NKAIN3: variants seen among roughly 807,000 people sequenced by gnomAD.
NKAIN3 encodes the protein sodium/potassium transporting ATPase interacting 3.
NKAIN3 carries 25 observed loss-of-function variants against 30.2 expected under a neutral mutation model. The ratio of observed to expected loss-of-function variants is 0.83; its 90% CI spans 0.60 to 1.16. NKAIN3 has a LOEUF of 1.16. NKAIN3 is among the 50% of genes most tolerant of loss of function. The pLI is 0.00. For missense variants in NKAIN3, 225 were observed against 254.1 expected (o/e 0.89, Z 0.78); for synonymous variants, 91 against 89.6 (o/e 1.02, Z -0.09).
intron 5 of NKAIN3, among the ~76,000 whole-genome samples, chr8:62,924,474 A>C (rs1822377931): frequency 6.6e-6 from 1 of 152,252 alleles, no homozygotes; most frequent in Admixed American, 6.5e-5. Context: ...TGAATGAGTC[A>C]ATGTATGAAC....
intron 2 of NKAIN3, among the ~76,000 whole-genome samples, chr8:62,584,836 G>A (rs374132325): frequency 8.5e-5 from 13 of 152,126 alleles, no homozygotes; most frequent in African/African-American, 1.2e-4. Context: ...CACCCTACCC[G>A]GCTGTCATCA....
In NKAIN3 at chr8:62,973,613, T is replaced by A. The variant is rs1233523118; in HGVS notation, c.*8206T>A. ...CAAAAATTTTCTCCCATTCTGTAGGTTGCCTGTTCACTCTGATAATAGTTT... is the reference window on the plus strand; with the variant it reads ...CAAAAATTTTCTCCCATTCTGTAGGATGCCTGTTCACTCTGATAATAGTTT... On this transcript the variant is annotated 3_prime_UTR_variant, in exon 7 of 7. Coordinates refer to ENST00000623646, the MANE Select transcript of NKAIN3 (RefSeq NM_001304533.3). Among the ~76,000 whole-genome samples, 1 of 152,180 alleles carries A rather than the reference T, an allele frequency of 6.6e-6. No homozygotes were observed. Among genetic ancestry groups the A allele is most frequent in the Non-Finnish European group, 1.5e-5 (1 of 68,020 alleles).
At chr8:62,544,201 C>T (rs532396123) in intron 1 of NKAIN3, among the ~76,000 whole-genome samples, 5 of 152,000 alleles carry the variant, frequency 3.3e-5, no homozygotes, top group Non-Finnish European at 7.4e-5. Context: ...CATAGTCTCA[C>T]CATGTTGCCC....
chr8:62,904,676 G>T (rs1023210419), intron 4 of NKAIN3, among the ~76,000 whole-genome samples: 9 of 152,146 alleles, frequency 5.9e-5, no homozygotes, highest in Non-Finnish European at 1.2e-4. Flanking sequence ...CAGACACCCT[G>T]GTTTTCCTCC....
chr8:62,498,386 A>G (rs1451845), intron 1 of NKAIN3, among the ~76,000 whole-genome samples: 1 of 151,794 alleles, frequency 6.6e-6, no homozygotes, highest in Non-Finnish European at 1.5e-5. Context: ...CTTTCTCTTC[A>G]TCTCATTCCC....
intron 3 of NKAIN3, among the ~76,000 whole-genome samples, chr8:62,708,528 C>T (rs1024751897): frequency 6.6e-6 from 1 of 152,036 alleles, no homozygotes; most frequent in Non-Finnish European, 1.5e-5. Flanking sequence ...CAGTTGGTCA[C>T]TATTGATGTA....
chr8:62,741,967 C>G (rs141931911), intron 3 of NKAIN3, among the ~76,000 whole-genome samples: 2 of 152,114 alleles, frequency 1.3e-5, no homozygotes, highest in Non-Finnish European at 2.9e-5. Context: ...TCTTTGCCCT[C>G]TTCTTCCTTA....
intron 5 of NKAIN3, among the ~76,000 whole-genome samples, chr8:62,946,003 T>C (rs984039126): frequency 6.6e-5 from 10 of 152,188 alleles, no homozygotes; most frequent in African/African-American, 2.4e-4. Flanking sequence ...CAATGCAGGC[T>C]CTTGGACTGC....
intron 4 of NKAIN3, among the ~76,000 whole-genome samples, chr8:62,813,384 C>A (rs1176669647): frequency 1.3e-5 from 2 of 151,556 alleles, no homozygotes; most frequent in African/African-American, 2.4e-5. Context: ...GTGAAAAAGT[C>A]ATTGGTATTT....
At chr8:62,821,363 T>C (rs966308850) in intron 4 of NKAIN3, among the ~76,000 whole-genome samples, 3 of 152,204 alleles carry the variant, frequency 2.0e-5, no homozygotes, top group East Asian at 1.9e-4. Flanking sequence ...GTTCAGTTTT[T>C]ATACTCAAAC....
intron 4 of NKAIN3, among the ~76,000 whole-genome samples, chr8:62,897,262 C>G (rs1448015572): frequency 3.3e-5 from 5 of 152,134 alleles, no homozygotes; most frequent in Non-Finnish European, 7.3e-5. Context: ...TAGTCTTACA[C>G]TCAACAAAGT....
intron 4 of NKAIN3, among the ~76,000 whole-genome samples, chr8:62,851,917 C>G (rs961195308): frequency 3.3e-5 from 5 of 152,058 alleles, no homozygotes; most frequent in Non-Finnish European, 7.4e-5. Flanking sequence ...CTAAAATTCT[C>G]TTTTTTTGTT....
chr8:62,316,792 C>T (rs1400123357), intron 1 of NKAIN3, among the ~76,000 whole-genome samples: 1 of 152,006 alleles, frequency 6.6e-6, no homozygotes, highest in African/African-American at 2.4e-5. Context: ...GGGTATATAC[C>T]CAGTAATGGG....
chr8:62,606,358 A>G (rs544032493), intron 3 of NKAIN3, among the ~76,000 whole-genome samples: 1 of 152,210 alleles, frequency 6.6e-6, no homozygotes, highest in African/African-American at 2.4e-5. Context: ...GTTATCTGTA[A>G]TTTTCCTAAG....
intron 4 of NKAIN3, among the ~76,000 whole-genome samples, chr8:62,805,372 G>A (rs1818239201): frequency 6.6e-6 from 1 of 151,726 alleles, no homozygotes; most frequent in Non-Finnish European, 1.5e-5. Context: ...GAACAAAGCT[G>A]GAGGCATCAC....
chr8:62,449,301 T>C (rs1805573187), intron 1 of NKAIN3, among the ~76,000 whole-genome samples: 1 of 152,052 alleles, frequency 6.6e-6, no homozygotes, highest in Non-Finnish European at 1.5e-5. Context: ...GCTTACTTTA[T>C]GTGTAATCTA....
At chr8:62,695,439 A>G (rs1482630044) in intron 3 of NKAIN3, among the ~76,000 whole-genome samples, 1 of 152,186 alleles carries the variant, frequency 6.6e-6, no homozygotes, top group Non-Finnish European at 1.5e-5. Context: ...CTGGCTGGTG[A>G]TAATAATAAT....
intron 1 of NKAIN3, among the ~76,000 whole-genome samples, chr8:62,539,356 G>C (rs866477158): frequency 6.6e-6 from 1 of 152,310 alleles, no homozygotes; most frequent in South Asian, 2.1e-4. Flanking sequence ...GGCTTTACCT[G>C]AAACATCCAA....
chr8:62,996,766 A>G (rs1804123961), intron 5 of NKAIN3, among the ~76,000 whole-genome samples: 1 of 152,188 alleles, frequency 6.6e-6, no homozygotes, highest in Admixed American at 6.5e-5. Flanking sequence ...CCAAAACCTG[A>G]TGGGGCAGTC....
Sources: allele counts gnomAD v4.1 joint callset (sites outside exome capture counted in the v4.1 genomes callset), GRCh38; gene constraint gnomAD v4.1.1; transcripts MANE v1.5; gene names NCBI Gene and HGNC (gene_info 2026-07-23, HGNC 2026-07-21).